ARHGEF3: variants seen among roughly 807,000 people sequenced by gnomAD.
The protein encoded by ARHGEF3 is Rho guanine nucleotide exchange factor 3.
A neutral mutation model predicts 63.2 loss-of-function variants in ARHGEF3; 28 were observed. The observed-to-expected ratio is 0.44, with a 90% CI of 0.33 to 0.61. ARHGEF3 has a LOEUF of 0.61. Ranked by LOEUF, ARHGEF3 falls within the 20% of genes least tolerant of loss-of-function variation. ARHGEF3 has a pLI of 0.03. For missense variants in ARHGEF3, 533 were observed against 659.3 expected, an observed-to-expected ratio of 0.81 and a Z score of 2.10; for synonymous variants, 266 against 254.2, an observed-to-expected ratio of 1.05 and a Z score of -0.44.
chr3:57,024,534 C>A (rs1456114022), intron 2 of ARHGEF3, among the ~76,000 whole-genome samples: 1 of 152,122 alleles, frequency 6.6e-6, no homozygotes, highest in Admixed American at 6.5e-5. Context: ...GTCGCCCAGG[C>A]TGGAGTGCAG....
At position 56,978,125 on chromosome 3, in the gene ARHGEF3, C is replaced by T. The variant is rs569258184; in HGVS notation, c.63-19236G>A. Among the ~76,000 whole-genome samples, 6 of 152,200 alleles carry T rather than the reference C, an allele frequency of 3.9e-5. No homozygotes were observed. In the South Asian group the frequency reaches 8.3e-4, roughly 21 times the overall value. On this transcript the variant is annotated intron_variant, in intron 2 of 12. Coordinates refer to the ARHGEF3 transcript ENST00000338458. ...CCCCGCCCCGTACTAGGCTACATGG[C>T]TTCTCTGAAAAGATAAATTTATCAA...
At chr3:56,856,142 C>T (rs1267238622) in intron 4 of ARHGEF3, among the ~76,000 whole-genome samples, 1 of 152,068 alleles carries the variant, frequency 6.6e-6, no homozygotes, top group Non-Finnish European at 1.5e-5. Flanking sequence ...CAATCTGAGT[C>T]CATAACCAGT....
rs1486065154 is a variant in ARHGEF3 at position 57,042,677 on chromosome 3, TATATATATATATATATATATA to T, written c.-27-7522_-27-7502del. Reference sequence around the variant, plus strand: ...ATATATATATATATATATATATATATATATATATATATATATATATATATTTTTTTTTTTTTTTAGACGGAG... The same window carrying T: ...ATATATATATATATATATATATATATTATTTTTTTTTTTTTTTAGACGGAG... On this transcript the variant is annotated intron_variant, in intron 1 of 12. Transcript: ENST00000338458. 2.6e-3 allele frequency among the ~76,000 whole-genome samples: 93 copies of T among 35,340 alleles called. 4 individuals carry two copies. The highest frequency in any genetic ancestry group is 8.3e-3 in the African/African-American group (40 of 4,834). 23.2% of individuals were successfully genotyped at this position (35,340 alleles called of 152,430 possible). A position where few individuals can be genotyped will look rare whatever the true frequency, so the allele number is the denominator to read the frequency against.
At chr3:56,870,879 C>G (rs1031313623) in intron 4 of ARHGEF3, among the ~76,000 whole-genome samples, 3 of 152,014 alleles carry the variant, frequency 2.0e-5, no homozygotes, top group Admixed American at 6.6e-5. Flanking sequence ...AACTGAATAG[C>G]TTTCAATATA....
At chr3:56,904,988 C>T (rs929848228) in intron 3 of ARHGEF3, among the ~76,000 whole-genome samples, 2 of 152,206 alleles carry the variant, frequency 1.3e-5, no homozygotes, top group African/African-American at 4.8e-5. Context: ...ACACCGAATA[C>T]TCTGCCACTG....
intron 1 of ARHGEF3, among the ~76,000 whole-genome samples, chr3:56,791,515 T>C (rs946254117): frequency 6.6e-6 from 1 of 152,192 alleles, no homozygotes; most frequent in Non-Finnish European, 1.5e-5. Context: ...CTTGTGGGCT[T>C]TTCGTTTTAA....
At chr3:56,906,820 G>C (rs1176688746) in intron 3 of ARHGEF3, among the ~76,000 whole-genome samples, 1 of 150,482 alleles carries the variant, frequency 6.6e-6, no homozygotes, top group East Asian at 2.0e-4. Flanking sequence ...CTGGGCGACA[G>C]AGCGAGACTC....
intron 3 of ARHGEF3, among the ~76,000 whole-genome samples, chr3:56,898,984 G>A (rs148353009): frequency 0.024 from 3,582 of 152,306 alleles, 51 homozygotes; most frequent in Non-Finnish European, 0.035. Flanking sequence ...AACCCAGGAG[G>A]TGGAGGTTGC....
intron 2 of ARHGEF3, among the ~76,000 whole-genome samples, chr3:56,995,675 T>A (rs1418378920): frequency 8.7e-6 from 1 of 115,574 alleles, no homozygotes; most frequent in Admixed American, 8.9e-5. Flanking sequence ...GAGAGAGAAT[T>A]TTTTTTAACC....
chr3:56,986,189 A>G (rs1481532789), intron 2 of ARHGEF3, among the ~76,000 whole-genome samples: 3 of 152,230 alleles, frequency 2.0e-5, no homozygotes, highest in East Asian at 3.8e-4. Flanking sequence ...AAAGAGCCCA[A>G]CAAAAAATCA....
chr3:56,793,370 C>T (rs566670702), intron 1 of ARHGEF3, among the ~76,000 whole-genome samples: 2 of 152,320 alleles, frequency 1.3e-5, no homozygotes, highest in East Asian at 1.9e-4. Context: ...GGGGTTTCAC[C>T]GCGTTAGCCA....
Position 56,737,294 on chromosome 3 carries a change from C to A in ARHGEF3, c.932G>T (p.Arg311Leu), listed in dbSNP as rs766185213. Residue 311 changes from arginine to leucine, a missense_variant, in exon 8 of 10, where the codon CGC becomes CTC. Physicochemically the swap from Arg to Leu is moderately radical, Grantham distance 102. Around this residue, in one of 4 missense-constraint regions of ARHGEF3, gnomAD observed 151 missense variants for 190.7 expected, o/e 0.79. Coordinates refer to ENST00000296315, the MANE Select transcript of ARHGEF3 (RefSeq NM_019555.3). ...GTAAAGAAGCCGCTCTTTATAATAGCGGCATTCAGATTCACCAGTCTTGGT... is the reference window on the plus strand; with the variant it reads ...GTAAAGAAGCCGCTCTTTATAATAGAGGCATTCAGATTCACCAGTCTTGGT... ...INTKTGESEC[R>L]YYKERLLYLE... 6 of 1,613,550 alleles carry A rather than the reference C, an allele frequency of 3.7e-6. No individual in the cohort carries two copies. Among genetic ancestry groups the A allele is most frequent in the Non-Finnish European group, 4.2e-6 (5 of 1,179,582 alleles).
intron 3 of ARHGEF3, among the ~76,000 whole-genome samples, chr3:56,923,296 T>A (rs1291690166): frequency 9.1e-5 from 11 of 121,422 alleles, no homozygotes; most frequent in Admixed American, 5.2e-4. Flanking sequence ...TGTATAGGTT[T>A]TAATTTTTCC....
intron 2 of ARHGEF3, among the ~76,000 whole-genome samples, chr3:56,990,832 C>A (rs1481730292): frequency 1.3e-5 from 2 of 152,146 alleles, no homozygotes; most frequent in South Asian, 2.1e-4. Context: ...TCTCCACAAC[C>A]CCAGCTCTAT....
intron 4 of ARHGEF3, among the ~76,000 whole-genome samples, chr3:56,868,894 G>A (rs2040343719): frequency 6.6e-6 from 1 of 152,102 alleles, no homozygotes; most frequent in African/African-American, 2.4e-5. Flanking sequence ...TCTTTCAGTG[G>A]CCCGTGTATG....
intron 1 of ARHGEF3, chr3:57,074,335 C>A: frequency 7.1e-7 from 1 of 1,403,180 alleles, no homozygotes; most frequent in Non-Finnish European, 9.9e-7. Flanking sequence ...CATGCTATGC[C>A]CTCCCTTCCA....
chr3:56,753,268 G>A (rs1400422335), intron 4 of ARHGEF3, among the ~76,000 whole-genome samples: 1 of 152,138 alleles, frequency 6.6e-6, no homozygotes, highest in African/African-American at 2.4e-5. Flanking sequence ...TCTGATTTAG[G>A]CTGAAGTATT....
At chr3:56,967,162 CTT>C (rs1165656871) in intron 2 of ARHGEF3, among the ~76,000 whole-genome samples, 2 of 137,466 alleles carry the variant, frequency 1.5e-5, no homozygotes, top group Admixed American at 7.8e-5. Context: ...CGCGCCCAGC[CTT>C]TTTTTTTTTA....
chr3:56,734,286 A>G (rs1392259515), intron 8 of ARHGEF3, among the ~76,000 whole-genome samples: 1 of 152,146 alleles, frequency 6.6e-6, no homozygotes, highest in Non-Finnish European at 1.5e-5. Context: ...TTTCTGGTGG[A>G]AATATTTGGG....
Sources: gnomAD v4.1 joint callset for allele counts (sites outside exome capture counted in the v4.1 genomes callset) on GRCh38, gnomAD v4.1.1 for gene constraint, gnomAD v4.1.1 regional missense constraint, MANE v1.5 for transcripts, NCBI Gene and HGNC (gene_info 2026-07-23, HGNC 2026-07-21) for gene names.